TCAF1: variants seen among roughly 807,000 people sequenced by gnomAD.
The protein encoded by TCAF1 is TRPM8 channel-associated factor 1.
A neutral mutation model predicts 27.3 loss-of-function variants in TCAF1; 4 were observed. That is an observed-to-expected ratio of 0.15 (90% CI 0.07 to 0.34). TCAF1 has a LOEUF of 0.34. Ranked by LOEUF, TCAF1 falls within the 10% of genes least tolerant of loss-of-function variation. TCAF1 has a pLI of 1.00. For missense variants in TCAF1, 257 were observed against 425.8 expected, an observed-to-expected ratio of 0.60 and a Z score of 3.49; for synonymous variants, 105 against 167.1, an observed-to-expected ratio of 0.63 and a Z score of 2.87.
chr7:143,900,172 G>C (rs1306217127), intron 1 of TCAF1, among the ~76,000 whole-genome samples: 1 of 152,164 alleles, frequency 6.6e-6, no homozygotes, highest in Non-Finnish European at 1.5e-5. Flanking sequence ...TTGAATATTA[G>C]AGGACATGGG....
intron 2 of TCAF1, among the ~76,000 whole-genome samples, chr7:143,868,723 ATTAC>A (rs1281680837): frequency 2.7e-4 from 8 of 29,902 alleles, no homozygotes; most frequent in African/African-American, 8.1e-4. Context: ...TCCTTGCCTT[ATTAC>A]ACTGGGTAGG....
intron 1 of TCAF1, among the ~76,000 whole-genome samples, chr7:143,896,042 T>G (rs571757164): frequency 3.3e-5 from 5 of 151,788 alleles, no homozygotes; most frequent in Admixed American, 2.6e-4. Flanking sequence ...TCACAATAAA[T>G]ATACACAGAT....
intron 1 of TCAF1, among the ~76,000 whole-genome samples, chr7:143,884,066 C>T (rs1562967661): frequency 6.6e-6 from 1 of 152,112 alleles, no homozygotes; most frequent in African/African-American, 2.4e-5. Context: ...CTATACTAAG[C>T]CTTATTATAA....
At chr7:143,865,048 T>C (rs1169807636) in intron 2 of TCAF1, among the ~76,000 whole-genome samples, 1 of 151,842 alleles carries the variant, frequency 6.6e-6, no homozygotes, top group Non-Finnish European at 1.5e-5. Context: ...CTCTTAAAAT[T>C]TTTTAAAATT....
At chr7:143,882,706 C>A (rs1262326711) in intron 1 of TCAF1, 2 of 985,356 alleles carry the variant, frequency 2.0e-6, no homozygotes, top group South Asian at 4.7e-5. Flanking sequence ...CCTTCTCCAG[C>A]CTGCCAGGCT....
At chr7:143,859,903 AATATATAT>A (rs1811813302) in intron 6 of TCAF1, among the ~76,000 whole-genome samples, 2 of 66,238 alleles carry the variant, frequency 3.0e-5, no homozygotes, top group African/African-American at 1.3e-4. Flanking sequence ...TATATTATAT[AATATATAT>A]TACGGAATAT....
chr7:143,898,000 C>T (rs1020769756), intron 1 of TCAF1, among the ~76,000 whole-genome samples: 2 of 152,014 alleles, frequency 1.3e-5, no homozygotes, highest in Non-Finnish European at 1.5e-5. Flanking sequence ...ACAGAAATTA[C>T]TACATATTTA....
Position 143,857,356 on chromosome 7 carries a change from AAGAG to A in TCAF1, c.2506-10_2506-7del, listed in dbSNP as rs1457492633. The A allele has an allele frequency of 9.4e-6, 7 of 742,790 alleles. No homozygotes were observed. The Admixed American group carries it at 1.6e-4, about 17-fold the overall frequency. The allele number at this position is 742,790 out of a possible 1,614,324, so 46.0% of individuals were successfully genotyped here. On this transcript the variant is annotated splice_region_variant and splice_polypyrimidine_tract_variant and intron_variant, in intron 7 of 8. Coordinates refer to ENST00000479870, the MANE Select transcript of TCAF1 (RefSeq NM_014719.3). ...CAACCAAAGGCTTCCTGGAGCTGGG[AAGAG>A]AAAGAAAAATACAGATCAGATTTGG...
At chr7:143,896,726 A>T (rs192033780) in intron 1 of TCAF1, among the ~76,000 whole-genome samples, 1 of 152,170 alleles carries the variant, frequency 6.6e-6, no homozygotes, top group African/African-American at 2.4e-5. Context: ...ACTATAAGGA[A>T]AATTATAAAT....
At chr7:143,895,802 C>CTA (rs1214295873) in intron 1 of TCAF1, among the ~76,000 whole-genome samples, 1 of 151,200 alleles carries the variant, frequency 6.6e-6, no homozygotes, top group Admixed American at 6.6e-5. Context: ...TGTTATAAAA[C>CTA]TAGTTAAACA....
rs1811362413 is a variant in TCAF1, at chr7:143,852,589, T to C, written c.*1544A>G. On this transcript the variant is annotated 3_prime_UTR_variant, in exon 9 of 9. Coordinates refer to ENST00000479870, the MANE Select transcript of TCAF1 (RefSeq NM_014719.3). ...GTCTGCCTTACTATGAAATTCTAGG[T>C]ACAAAAATTTTCCTTAAGCTCTGAA... is the stretch of plus-strand genomic sequence containing the variant. The C allele has an allele frequency of 6.6e-6, 1 of 152,560 alleles. No individual in the cohort carries two copies. The highest frequency in any genetic ancestry group is 1.5e-5 in the Non-Finnish European group (1 of 68,242). 9.5% of individuals were successfully genotyped at this position (152,560 alleles called of 1,614,324 possible). A position where few individuals can be genotyped will look rare whatever the true frequency, so the allele number is the denominator to read the frequency against.
At chr7:143,859,987 A>AAT (rs1321029294) in intron 6 of TCAF1, among the ~76,000 whole-genome samples, 1 of 20,464 alleles carries the variant, frequency 4.9e-5, no homozygotes, top group African/African-American at 1.2e-4. Context: ...TATATTATAT[A>AAT]ATATATATTA....
chr7:143,882,399 G>C (rs1813101074), intron 1 of TCAF1: 1 of 985,274 alleles, frequency 1.0e-6, no homozygotes, highest in Admixed American at 6.1e-5. Context: ...CAGCGGATTA[G>C]ACGCGGTTCT....
chr7:143,886,555 G>A, intron 1 of TCAF1: 1 of 984,316 alleles, frequency 1.0e-6, no homozygotes, highest in Non-Finnish European at 1.2e-6. Context: ...GGATGAAATG[G>A]GGTAAGAAAG....
chr7:143,896,536 C>T (rs1216929140), intron 1 of TCAF1, among the ~76,000 whole-genome samples: 2 of 151,980 alleles, frequency 1.3e-5, no homozygotes, highest in East Asian at 1.9e-4. Flanking sequence ...TTTACGCACA[C>T]AAAGAAAACT....
At chr7:143,896,190 A>T (rs1813864604) in intron 1 of TCAF1, among the ~76,000 whole-genome samples, 2 of 151,934 alleles carry the variant, frequency 1.3e-5, no homozygotes, top group Non-Finnish European at 2.9e-5. Flanking sequence ...GAGATAAATG[A>T]GGCAAAAACC....
In TCAF1 at chr7:143,876,103, G is replaced by T; in HGVS notation, c.506C>A (p.Thr169Lys). The change falls in exon 2 of 9, where the codon ACG becomes AAG. Residue 169 changes from threonine to lysine, a missense_variant. This residue lies in a region of TCAF1 where 255 missense variants were observed against 260.1 expected (regional missense o/e 0.98). Coordinates refer to ENST00000479870, the MANE Select transcript of TCAF1 (RefSeq NM_014719.3). ...NQGEDERVLF[T>K]FPGNLVTSVA... ...ACTGGTCACGAGGTTCCCAGGGAAC[G>T]TGAACAGAACCCTTTCATCCTCCCC... The T allele has an allele frequency of 6.2e-7, 1 of 1,614,114 alleles. No individual in the cohort carries two copies. Among genetic ancestry groups the T allele is most frequent in the African/African-American group, 1.3e-5 (1 of 75,060 alleles).
At chr7:143,894,329 T>G (rs1037730678) in intron 1 of TCAF1, among the ~76,000 whole-genome samples, 1 of 151,848 alleles carries the variant, frequency 6.6e-6, no homozygotes, top group Non-Finnish European at 1.5e-5. Context: ...TTCCAGAGAC[T>G]AGTAAATGAA....
intron 2 of TCAF1, among the ~76,000 whole-genome samples, chr7:143,867,450 A>C (rs909115152): frequency 2.6e-5 from 4 of 151,834 alleles, no homozygotes; most frequent in Non-Finnish European, 5.9e-5. Flanking sequence ...GTCTCAAAAA[A>C]CAAAACAAAA....
Sources: gnomAD v4.1 joint callset for allele counts (sites outside exome capture counted in the v4.1 genomes callset) on GRCh38, gnomAD v4.1.1 for gene constraint, gnomAD v4.1.1 regional missense constraint, MANE v1.5 for transcripts, NCBI Gene and HGNC (gene_info 2026-07-23, HGNC 2026-07-21) for gene names.